HPSE2: variants seen among roughly 807,000 people sequenced by gnomAD.
HPSE2 encodes inactive heparanase-2.
HPSE2 carries 38 observed loss-of-function variants against 60.5 expected under a neutral mutation model. That is an observed-to-expected ratio of 0.63 (90% CI 0.48 to 0.82). The LOEUF is 0.82. Among genes scored for constraint, HPSE2 ranks in the 40% least tolerant of loss-of-function variants. The pLI, the probability that HPSE2 is intolerant of heterozygous loss-of-function variation, is 0.00. For missense variants in HPSE2, 713 were observed against 740.4 expected, an observed-to-expected ratio of 0.96 and a Z score of 0.43; for synonymous variants, 295 against 293.2, an observed-to-expected ratio of 1.01 and a Z score of -0.06.
At chr10:98,854,704 G>A (rs1319308143) in intron 3 of HPSE2, among the ~76,000 whole-genome samples, 1 of 151,612 alleles carries the variant, frequency 6.6e-6, no homozygotes. Context: ...AACATATTGA[G>A]AAACATGAAA....
chr10:98,889,488 G>T lies in HPSE2; in HGVS notation c.611-145432C>A, dbSNP rs577404102. ...TTCCCAAAGTGCTGGGATTACAGGCGTGAGCCACTGCACCCAGCCGGTTTT... is the reference window on the plus strand; with the variant it reads ...TTCCCAAAGTGCTGGGATTACAGGCTTGAGCCACTGCACCCAGCCGGTTTT... On this transcript the variant is annotated intron_variant, in intron 3 of 11. Coordinates refer to ENST00000370552, the MANE Select transcript of HPSE2 (RefSeq NM_021828.5). 3.9e-5 allele frequency among the ~76,000 whole-genome samples: 6 copies of T among 152,044 alleles called. No individual in the cohort carries two copies. In the South Asian group the frequency reaches 1.2e-3, roughly 32 times the overall value.
intron 3 of HPSE2, among the ~76,000 whole-genome samples, chr10:99,136,748 A>G (rs1845672989): frequency 6.6e-6 from 1 of 152,196 alleles, no homozygotes; most frequent in African/African-American, 2.4e-5. Flanking sequence ...TCTCAAAATA[A>G]TAAGAGCTAC....
intron 3 of HPSE2, among the ~76,000 whole-genome samples, chr10:98,884,691 A>AT (rs1057368679): frequency 6.6e-6 from 1 of 151,978 alleles, no homozygotes; most frequent in Non-Finnish European, 1.5e-5. Flanking sequence ...GTGGAAGACA[A>AT]TTTTTTCATG....
chr10:98,523,392 T>C (rs1942862377), intron 9 of HPSE2, among the ~76,000 whole-genome samples: 1 of 152,130 alleles, frequency 6.6e-6, no homozygotes, highest in Non-Finnish European at 1.5e-5. Flanking sequence ...GATGAGAAAG[T>C]TTGAAAGAAC....
At chr10:99,119,070 A>C (rs890592732) in intron 3 of HPSE2, among the ~76,000 whole-genome samples, 2 of 130,452 alleles carry the variant, frequency 1.5e-5, no homozygotes, top group African/African-American at 2.8e-5. Flanking sequence ...AGAGAGAGAA[A>C]GAAAGAAAGA....
chr10:98,594,745 A>C (rs1945183979), intron 9 of HPSE2, among the ~76,000 whole-genome samples: 1 of 152,158 alleles, frequency 6.6e-6, no homozygotes, highest in South Asian at 2.1e-4. Context: ...GGCTATTGTA[A>C]GTAATGCTGC....
intron 3 of HPSE2, among the ~76,000 whole-genome samples, chr10:99,031,860 C>T (rs1433163427): frequency 6.6e-6 from 1 of 152,182 alleles, no homozygotes; most frequent in Non-Finnish European, 1.5e-5. Flanking sequence ...CAAAAAGGAA[C>T]TGGCTCAGCA....
At chr10:98,898,954 T>C (rs1953578983) in intron 3 of HPSE2, among the ~76,000 whole-genome samples, 2 of 152,180 alleles carry the variant, frequency 1.3e-5, no homozygotes, top group South Asian at 4.1e-4. Flanking sequence ...ACAGCAAACT[T>C]TGATCCATAA....
At chr10:98,602,804 C>G (rs769795472) in intron 9 of HPSE2, among the ~76,000 whole-genome samples, 1 of 152,138 alleles carries the variant, frequency 6.6e-6, no homozygotes, top group African/African-American at 2.4e-5. Context: ...CAAAAATTAA[C>G]TCAAATGGAC....
the HPSE2 span, among the ~76,000 whole-genome samples, chr10:99,286,593 A>G: frequency 6.6e-6 from 1 of 152,188 alleles, no homozygotes; most frequent in Non-Finnish European, 1.5e-5. Context: ...GGGTGATGAA[A>G]AAGTTTTGGA....
intron 9 of HPSE2, among the ~76,000 whole-genome samples, chr10:98,561,207 C>T (rs1238593936): frequency 6.7e-6 from 1 of 148,502 alleles, no homozygotes; most frequent in Non-Finnish European, 1.5e-5. Flanking sequence ...TGCTCTGTCA[C>T]CCACACTGGA....
chr10:98,879,152 C>G, intron 3 of HPSE2, among the ~76,000 whole-genome samples: 1 of 151,992 alleles, frequency 6.6e-6, no homozygotes, highest in Non-Finnish European at 1.5e-5. Context: ...ACGTCTAGAG[C>G]TCAGGAGGAG....
intron 3 of HPSE2, among the ~76,000 whole-genome samples, chr10:98,994,433 A>T (rs964925860): frequency 2.6e-5 from 4 of 152,106 alleles, no homozygotes; most frequent in Non-Finnish European, 5.9e-5. Flanking sequence ...AAACTCTCAA[A>T]ATGGCTCCTT....
rs183490316 is a variant in HPSE2 at position 99,002,377 on chromosome 10, C to T, written c.610+141861G>A. On this transcript the variant is annotated intron_variant, in intron 3 of 11. Transcript: ENST00000370552. ...CTTCCAAAAACTACGGTATGGATAC[C>T]GAGGAAGGGTAAGTAACTTTACACT... Among the ~76,000 whole-genome samples the T allele has an allele frequency of 6.6e-5, 10 of 152,082 alleles. No individual in the cohort carries two copies. In the East Asian group the frequency reaches 1.4e-3, roughly 21 times the overall value.
At chr10:98,569,066 A>AG (rs1554942323) in intron 9 of HPSE2, among the ~76,000 whole-genome samples, 11 of 143,466 alleles carry the variant, frequency 7.7e-5, no homozygotes, top group Admixed American at 3.5e-4. Flanking sequence ...AAAAAGTCTG[A>AG]TTTTTTTTTT....
chr10:99,061,606 A>C (rs569882913), intron 3 of HPSE2, among the ~76,000 whole-genome samples: 1 of 152,316 alleles, frequency 6.6e-6, no homozygotes, highest in African/African-American at 2.4e-5. Flanking sequence ...AACTCAATAA[A>C]TGTTAGCTAT....
intron 3 of HPSE2, among the ~76,000 whole-genome samples, chr10:99,063,766 G>T (rs540080943): frequency 2.0e-5 from 3 of 152,116 alleles, no homozygotes; most frequent in African/African-American, 4.8e-5. Flanking sequence ...TATGTGCATA[G>T]AAATATAAAT....
chr10:99,184,801 TATATATATATATATATATAG>T (rs1847917495), intron 2 of HPSE2, among the ~76,000 whole-genome samples: 1 of 32,658 alleles, frequency 3.1e-5, no homozygotes, highest in East Asian at 9.2e-4. Flanking sequence ...TATATATATA[TATATATATATATATATATAG>T]AGAGAGAGAG....
intron 3 of HPSE2, among the ~76,000 whole-genome samples, chr10:98,765,114 T>A (rs1589788658): frequency 6.6e-6 from 1 of 152,214 alleles, no homozygotes; most frequent in East Asian, 1.9e-4. Context: ...CTCTCAGTAA[T>A]CAATAGAACA....
Sources: allele counts gnomAD v4.1 joint callset (sites outside exome capture counted in the v4.1 genomes callset), GRCh38; gene constraint gnomAD v4.1.1; transcripts MANE v1.5; gene names NCBI Gene and HGNC (gene_info 2026-07-23, HGNC 2026-07-21).